Variants in ADAM22 observed in about 807,000 individuals in gnomAD.
ADAM22 encodes the protein ADAM metallopeptidase domain 22.
A neutral mutation model predicts 144.6 loss-of-function variants in ADAM22; 65 were observed. The observed-to-expected ratio is 0.45, with a 90% confidence interval of 0.37 to 0.55. The LOEUF is 0.55. Among genes scored for constraint, ADAM22 ranks in the 20% least tolerant of loss-of-function variants. The pLI is 0.00. For synonymous variants in ADAM22, 391 were observed against 412.6 expected (o/e 0.95, Z 0.63); for missense variants, 974 against 1,184.9 (o/e 0.82, Z 2.61).
In ADAM22 at chr7:87,967,743, G is replaced by A. The variant is rs1436243929; in HGVS notation, c.247-10593G>A. ...GAATTGCTTGAGCCCTAGAGGCAGA[G>A]GTTGCAGTGAGCTAAGATCGCACCA... On this transcript the variant is annotated intron_variant, in intron 2 of 31. Transcript: ENST00000413139. Among the ~76,000 whole-genome samples the A allele has an allele frequency of 2.1e-5, 3 of 143,664 alleles. No homozygotes were observed. In the Admixed American group the frequency reaches 2.1e-4, roughly 10 times the overall value. The allele number at this position is 143,664 out of a possible 152,430, so 94.2% of individuals were successfully genotyped here. A position where few individuals can be genotyped will look rare whatever the true frequency, so the allele number is the denominator to read the frequency against.
intron 25 of ADAM22, chr7:88,168,446 C>T: frequency 1.7e-6 from 1 of 576,104 alleles, no homozygotes; most frequent in Admixed American, 2.2e-5. Flanking sequence ...TGTAAAAGAA[C>T]TGAGTATTAT....
chr7:88,058,695 C>T (rs1321810345), intron 3 of ADAM22, among the ~76,000 whole-genome samples: 1 of 152,070 alleles, frequency 6.6e-6, no homozygotes, highest in Non-Finnish European at 1.5e-5. Flanking sequence ...TTCCTTTCAC[C>T]AGTAGTTGGA....
At chr7:87,946,357 G>A (rs1391530011) in intron 2 of ADAM22, among the ~76,000 whole-genome samples, 1 of 152,142 alleles carries the variant, frequency 6.6e-6, no homozygotes, top group Non-Finnish European at 1.5e-5. Context: ...TTCTTTTGCT[G>A]TGCAGAAGCT....
rs146465741 is a variant in ADAM22 at position 88,105,096 on chromosome 7, G to A, written c.391-3080G>A. 1.4e-4 allele frequency among the ~76,000 whole-genome samples: 21 copies of A among 152,106 alleles called. No individual in the cohort carries two copies. The East Asian group carries it at 1.5e-3, about 11-fold the overall frequency. On this transcript the variant is annotated intron_variant, in intron 4 of 31. Coordinates refer to ENST00000413139, the MANE Select transcript of ADAM22 (RefSeq NM_001324418.2). ...TAATATAACATGTTTCCAGAGTTGCGTTTTTGAAGAAAACTGTAGTAATTT... is the reference window on the plus strand; with the variant it reads ...TAATATAACATGTTTCCAGAGTTGCATTTTTGAAGAAAACTGTAGTAATTT...
At chr7:87,974,748 G>A (rs1319687869) in intron 2 of ADAM22, among the ~76,000 whole-genome samples, 1 of 152,192 alleles carries the variant, frequency 6.6e-6, no homozygotes, top group Non-Finnish European at 1.5e-5. Flanking sequence ...GAGGTCAGAA[G>A]CCTGAAATAG....
rs1158359771 is a variant in ADAM22, at chr7:88,050,603, T to A, written c.324-25023T>A. ...TTTTTCTTTGATTTGCATTCTCTGATGGCCAGTGATGATGAGCATTTTTTC... is the reference window on the plus strand; with the variant it reads ...TTTTTCTTTGATTTGCATTCTCTGAAGGCCAGTGATGATGAGCATTTTTTC... On this transcript the variant is annotated intron_variant, in intron 3 of 31. Coordinates refer to ENST00000413139, the MANE Select transcript of ADAM22 (RefSeq NM_001324418.2). Among the ~76,000 whole-genome samples the A allele has an allele frequency of 4.6e-5, 7 of 152,200 alleles. No individual in the cohort carries two copies. In the East Asian group the frequency reaches 1.3e-3, roughly 29 times the overall value.
intron 3 of ADAM22, among the ~76,000 whole-genome samples, chr7:87,981,208 C>G (rs1041591334): frequency 1.3e-5 from 2 of 152,124 alleles, no homozygotes; most frequent in Non-Finnish European, 2.9e-5. Context: ...GAAGCAAGCA[C>G]TGTCTGTGGA....
intron 2 of ADAM22, among the ~76,000 whole-genome samples, chr7:87,941,869 A>C (rs1336163864): frequency 6.6e-6 from 1 of 152,216 alleles, no homozygotes; most frequent in Non-Finnish European, 1.5e-5. Context: ...TAGGTTGATA[A>C]AAAATGTTCC....
intron 3 of ADAM22, among the ~76,000 whole-genome samples, chr7:88,015,993 C>T (rs890262367): frequency 2.0e-5 from 3 of 151,808 alleles, no homozygotes; most frequent in Non-Finnish European, 4.4e-5. Flanking sequence ...GACTGAACTA[C>T]AAAATATTAT....
intron 3 of ADAM22, among the ~76,000 whole-genome samples, chr7:88,050,096 C>T (rs758705712): frequency 1.7e-4 from 26 of 151,156 alleles, no homozygotes; most frequent in Non-Finnish European, 3.4e-4. Flanking sequence ...AAGAATTAAA[C>T]AGGAAGGCCA....
chr7:87,942,876 CAT>C (rs551283063), intron 2 of ADAM22, among the ~76,000 whole-genome samples: 174 of 152,092 alleles, frequency 1.1e-3, no homozygotes, highest in African/African-American at 4.1e-3. Context: ...GATCCATATT[CAT>C]ATATTTTTCT....
At chr7:88,061,802 A>C (rs575588041) in intron 3 of ADAM22, among the ~76,000 whole-genome samples, 1 of 151,672 alleles carries the variant, frequency 6.6e-6, no homozygotes, top group Non-Finnish European at 1.5e-5. Flanking sequence ...AGCCCTAAAC[A>C]AAAGAGTCAG....
intron 3 of ADAM22, among the ~76,000 whole-genome samples, chr7:88,030,457 T>C (rs1458775342): frequency 1.3e-5 from 2 of 152,144 alleles, no homozygotes; most frequent in African/African-American, 4.8e-5. Flanking sequence ...CATATCTCTC[T>C]CTGGGATAAG....
intron 27 of ADAM22, among the ~76,000 whole-genome samples, chr7:88,179,385 G>T (rs957162359): frequency 4.0e-5 from 6 of 151,896 alleles, no homozygotes; most frequent in Non-Finnish European, 8.8e-5. Flanking sequence ...TGTCATGTTT[G>T]GTAGTCAAAG....
intron 15 of ADAM22, among the ~76,000 whole-genome samples, chr7:88,143,778 G>A (rs1835503982): frequency 6.6e-6 from 1 of 152,208 alleles, no homozygotes; most frequent in Admixed American, 6.5e-5. Flanking sequence ...ACAGGGATAT[G>A]CACCATTGCC....
At chr7:88,079,987 C>G (rs1259006629) in intron 4 of ADAM22, among the ~76,000 whole-genome samples, 1 of 152,154 alleles carries the variant, frequency 6.6e-6, no homozygotes, top group Non-Finnish European at 1.5e-5. Context: ...CAGCTCTGCA[C>G]CAAGCAGACC....
chr7:88,145,585 C>T (rs73204115), intron 17 of ADAM22, 78 bp downstream of exon 17: 5 of 1,153,846 alleles, frequency 4.3e-6, no homozygotes, highest in Non-Finnish European at 6.4e-6. Context: ...TAAATATAAT[C>T]TAATAACAGA....
In ADAM22 at chr7:88,202,763, G is replaced by C. The variant is rs1005781091; in HGVS notation, c.*6272G>C. 1 of 152,126 alleles carries C rather than the reference G, an allele frequency of 6.6e-6. No individual in the cohort carries two copies. Among genetic ancestry groups the C allele is most frequent in the Non-Finnish European group, 1.5e-5 (1 of 68,020 alleles). 9.4% of individuals were successfully genotyped at this position (152,126 alleles called of 1,614,324 possible). On this transcript the variant is annotated 3_prime_UTR_variant, in exon 32 of 32. Transcript: ENST00000413139. ...TTTTTAAAGGTCACTGTAACTTAAG[G>C]TTCAAATTTCTGGCACAGTTTTATT... is the stretch of plus-strand genomic sequence containing the variant.
At chr7:88,110,113 T>G (rs1015956280) in intron 5 of ADAM22, among the ~76,000 whole-genome samples, 49 of 152,346 alleles carry the variant, frequency 3.2e-4, no homozygotes, top group African/African-American at 1.1e-3. Flanking sequence ...GTACATTTAT[T>G]TACTTTAAAT....
Sources: allele counts gnomAD v4.1 joint callset (sites outside exome capture counted in the v4.1 genomes callset), GRCh38; gene constraint gnomAD v4.1.1; transcripts MANE v1.5; gene names NCBI Gene and HGNC (gene_info 2026-07-23, HGNC 2026-07-21).